The following CTNNA3 variants were observed in gnomAD, a reference collection of about 807,000 sequenced individuals.
The protein encoded by CTNNA3 is catenin alpha 3, also known as catenin alpha-3.
CTNNA3 carries 76 observed loss-of-function variants against 95.7 expected under a neutral mutation model. The ratio of observed to expected loss-of-function variants is 0.79; its 90% confidence interval spans 0.66 to 0.96. The LOEUF (loss-of-function observed/expected upper bound fraction) is 0.96, where lower values mean the gene tolerates loss of function less well. CTNNA3 is among the 40% of genes least tolerant of loss of function. The pLI, the probability that CTNNA3 is intolerant of heterozygous loss-of-function variation, is 0.00. For synonymous variants in CTNNA3, 431 were observed against 374.4 expected, an observed-to-expected ratio of 1.15 and a Z score of -1.74; for missense variants, 1,191 against 1,089.8, an observed-to-expected ratio of 1.09 and a Z score of -1.31.
Position 67,049,008 on chromosome 10 carries a change from C to T in CTNNA3, c.1047+131309G>A, listed in dbSNP as rs188280511. The stretch of plus-strand genomic sequence containing the variant: ...TTCTTTTAACATAGTTATTTTATAG[C>T]AAAAATTTATGATGATAACTGGTTT... On this transcript the variant is annotated intron_variant, in intron 7 of 17. Transcript: ENST00000433211. Among the ~76,000 whole-genome samples, 581 of 140,432 alleles carry T rather than the reference C, an allele frequency of 4.1e-3. 6 individuals carry two copies. Among genetic ancestry groups the T allele is most frequent in the Admixed American group, 8.2e-3 (107 of 13,086 alleles). The allele number at this position is 140,432 out of a possible 152,430, so 92.1% of individuals were successfully genotyped here.
At chr10:67,128,546 G>A (rs1352079900) in intron 7 of CTNNA3, among the ~76,000 whole-genome samples, 1 of 151,968 alleles carries the variant, frequency 6.6e-6, no homozygotes, top group Non-Finnish European at 1.5e-5. Flanking sequence ...GCACTATACA[G>A]AGCTACTTGG....
chr10:65,920,747 G>T (rs2077073910), intron 17 of CTNNA3, 130 bp from the exon 18 acceptor site: 3 of 952,260 alleles, frequency 3.2e-6, no homozygotes, highest in Admixed American at 2.7e-5. Flanking sequence ...GATCACTTGA[G>T]CCCAGGAGGC....
intron 7 of CTNNA3, among the ~76,000 whole-genome samples, chr10:66,838,097 G>A (rs1842940471): frequency 6.6e-6 from 1 of 152,068 alleles, no homozygotes; most frequent in African/African-American, 2.4e-5. Context: ...AATAAGGCCT[G>A]AGTGGTTTGT....
At chr10:67,692,860 T>G (rs1267696289) in intron 1 of CTNNA3, among the ~76,000 whole-genome samples, 1 of 152,116 alleles carries the variant, frequency 6.6e-6, no homozygotes, top group East Asian at 1.9e-4. Context: ...TCTAATTACA[T>G]TTTGAACAGT....
intron 11 of CTNNA3, among the ~76,000 whole-genome samples, chr10:66,509,841 G>A (rs866232568): frequency 1.1e-4 from 16 of 151,176 alleles, no homozygotes; most frequent in Admixed American, 4.6e-4. Flanking sequence ...TTGTACTATC[G>A]CCAGTTTTAC....
At chr10:67,587,193 TTGTGTGTGTGTGTGTGTGTGTGTGTG>T (rs57140243) in intron 3 of CTNNA3, among the ~76,000 whole-genome samples, 5 of 130,060 alleles carry the variant, frequency 3.8e-5, no homozygotes, top group Admixed American at 2.4e-4. Context: ...CCCAGCTAAC[TTGTGTGTGTGTGTGTGTGTGTGTGTG>T]TGTGTGTGTG....
intron 7 of CTNNA3, among the ~76,000 whole-genome samples, chr10:66,911,778 T>C (rs950119589): frequency 1.3e-5 from 2 of 152,196 alleles, no homozygotes; most frequent in African/African-American, 4.8e-5. Flanking sequence ...CTACAATATT[T>C]TCCAAGTTTA....
At chr10:66,667,425 C>T (rs976948533) in intron 9 of CTNNA3, among the ~76,000 whole-genome samples, 3 of 152,218 alleles carry the variant, frequency 2.0e-5, no homozygotes, top group South Asian at 2.1e-4. Context: ...AATATTGTCC[C>T]GCACACAACT....
chr10:67,710,899 C>A lies in CTNNA3; in HGVS notation c.-2+52535G>T, dbSNP rs1233547214. On this transcript the variant is annotated intron_variant, in intron 1 of 17. Transcript: ENST00000684154. Reference sequence around the variant, plus strand: ...GATATAGTTTGGCTGTGTCCCCACCCAAATCTCATCTTGAATTCCCACGTG... The same window carrying A: ...GATATAGTTTGGCTGTGTCCCCACCAAAATCTCATCTTGAATTCCCACGTG... Among the ~76,000 whole-genome samples the A allele has an allele frequency of 4.6e-5, 7 of 152,298 alleles. No homozygotes were observed. The East Asian group carries it at 1.3e-3, about 29-fold the overall frequency.
chr10:67,158,829 A>T (rs1226729490), intron 7 of CTNNA3, among the ~76,000 whole-genome samples: 1 of 151,872 alleles, frequency 6.6e-6, no homozygotes, highest in African/African-American at 2.4e-5. Flanking sequence ...AATCACTATC[A>T]ATCTATTACA....
At chr10:66,282,698 T>C (rs1434257326) in intron 12 of CTNNA3, among the ~76,000 whole-genome samples, 1 of 151,852 alleles carries the variant, frequency 6.6e-6, no homozygotes, top group Non-Finnish European at 1.5e-5. Flanking sequence ...TATAATCTTA[T>C]GAATGGCACC....
At chr10:66,137,845 G>C (rs555075058) in intron 13 of CTNNA3, among the ~76,000 whole-genome samples, 38 of 152,226 alleles carry the variant, frequency 2.5e-4, no homozygotes, top group African/African-American at 8.9e-4. Context: ...AGCTACTCTG[G>C]AGGCTAATGT....
At chr10:66,348,013 G>A (rs73303479) in intron 12 of CTNNA3, among the ~76,000 whole-genome samples, 2,312 of 152,066 alleles carry the variant, frequency 0.015, 53 homozygotes, top group African/African-American at 0.053. Flanking sequence ...AAATGAATCC[G>A]CACTTAGACA....
intron 15 of CTNNA3, among the ~76,000 whole-genome samples, chr10:66,000,753 T>C (rs1323292357): frequency 1.3e-5 from 2 of 152,178 alleles, no homozygotes; most frequent in East Asian, 3.9e-4. Flanking sequence ...ATTTTATCAG[T>C]ATAATAATCA....
At chr10:66,601,894 C>T (rs955917772) in intron 10 of CTNNA3, among the ~76,000 whole-genome samples, 2 of 151,852 alleles carry the variant, frequency 1.3e-5, no homozygotes, top group South Asian at 4.2e-4. Flanking sequence ...CAGTCCTAAA[C>T]TTTTAGGTTC....
At position 66,624,026 on chromosome 10, in the gene CTNNA3, A is replaced by C. The variant is rs115255280; in HGVS notation, c.1282-2242T>G. On this transcript the variant is annotated intron_variant, in intron 9 of 17. Transcript: ENST00000433211. ...CCTGCAAATAAGATGTTCTGTAAAA[A>C]TAGTTTTAGATATTTGGACATTTGA... Among the ~76,000 whole-genome samples the C allele has an allele frequency of 6.5e-3, 997 of 152,236 alleles. 14 individuals carry two copies. Among genetic ancestry groups the C allele is most frequent in the African/African-American group, 0.023 (948 of 41,550 alleles).
At chr10:65,952,029 CAAAAAAAA>C (rs55842958) in intron 17 of CTNNA3, among the ~76,000 whole-genome samples, 1 of 99,738 alleles carries the variant, frequency 1.0e-5, no homozygotes, top group African/African-American at 3.9e-5. Flanking sequence ...GGCTCCGCCT[CAAAAAAAA>C]AAAAAAAAAA....
intron 14 of CTNNA3, among the ~76,000 whole-genome samples, chr10:66,101,996 G>C (rs1022455888): frequency 6.6e-6 from 1 of 152,020 alleles, no homozygotes; most frequent in African/African-American, 2.4e-5. Flanking sequence ...AAGGAAATGT[G>C]CACTAACACT....
chr10:66,806,226 G>A (rs934359815), intron 7 of CTNNA3, among the ~76,000 whole-genome samples: 1 of 150,822 alleles, frequency 6.6e-6, no homozygotes, highest in Non-Finnish European at 1.5e-5. Flanking sequence ...TAATGTCTAA[G>A]CACATAGTAT....
Sources: allele counts gnomAD v4.1 joint callset (sites outside exome capture counted in the v4.1 genomes callset), GRCh38; gene constraint gnomAD v4.1.1; transcripts MANE v1.5; gene names NCBI Gene and HGNC (gene_info 2026-07-23, HGNC 2026-07-21).